The following UPF3A variants were observed in gnomAD, a reference collection of about 807,000 sequenced individuals.
UPF3A encodes the protein UPF3A regulator of nonsense mediated mRNA decay, also known as regulator of nonsense transcripts 3A.
A neutral mutation model predicts 53.5 loss-of-function variants in UPF3A; 42 were observed. The ratio of observed to expected loss-of-function variants is 0.78; its 90% CI spans 0.61 to 1.01. The LOEUF (loss-of-function observed/expected upper bound fraction) is 1.01. Among genes scored for constraint, UPF3A ranks in the 50% least tolerant of loss-of-function variants. The pLI is 0.00. For missense variants in UPF3A, 575 were observed against 598.0 expected, an observed-to-expected ratio of 0.96 and a Z score of 0.40; for synonymous variants, 237 against 225.3, an observed-to-expected ratio of 1.05 and a Z score of -0.47.
chr13:114,281,969 A>G lies in UPF3A; in HGVS notation c.208-52A>G. ...CCAGCGCGGTACGCGGTGCCTTTTG[A>G]GCTCCTTGTCCACGCTCCGCCCCGG... On this transcript the variant is annotated intron_variant, in intron 1 of 9. Transcript: ENST00000375299. 5 of 1,502,106 alleles carry G rather than the reference A, an allele frequency of 3.3e-6. No homozygotes were observed. The South Asian group carries it at 6.0e-5, about 18-fold the overall frequency. 93.0% of individuals were successfully genotyped at this position (1,502,106 alleles called of 1,614,324 possible).
At chr13:114,290,836 T>C (rs61291368) in intron 5 of UPF3A, among the ~76,000 whole-genome samples, 13,857 of 151,356 alleles carry the variant, frequency 0.092, 1,073 homozygotes, top group African/African-American at 0.2. Flanking sequence ...CGTGTTCAAG[T>C]AGTTTTCCTG....
intron 7 of UPF3A, among the ~76,000 whole-genome samples, chr13:114,294,397 A>G (rs978845989): frequency 2.0e-4 from 31 of 151,476 alleles, no homozygotes; most frequent in African/African-American, 7.5e-4. Flanking sequence ...GCCTCCCATT[A>G]CAGGGGTGCA....
At chr13:114,283,361 G>A (rs2084323858) in intron 3 of UPF3A, 1 of 152,998 alleles carries the variant, frequency 6.5e-6, no homozygotes, top group Non-Finnish European at 1.5e-5. Flanking sequence ...ACTAAAATAA[G>A]TTTATAAATT....
At chr13:114,292,327 A>G (rs1423184440) in intron 7 of UPF3A, among the ~76,000 whole-genome samples, 1,184 of 62,988 alleles carry the variant, frequency 0.019, no homozygotes, top group Middle Eastern at 0.038. Context: ...ACACGTGCAG[A>G]TGTGTCACAT....
intron 3 of UPF3A, chr13:114,284,937 G>A (rs985066838): frequency 6.6e-6 from 1 of 152,284 alleles, no homozygotes; most frequent in Non-Finnish European, 1.5e-5. Context: ...ACAGGCGTGA[G>A]CCGCTGCCCT....
At chr13:114,292,601 TTTTC>T (rs2085417288) in intron 7 of UPF3A, among the ~76,000 whole-genome samples, 1 of 151,162 alleles carries the variant, frequency 6.6e-6, no homozygotes, top group East Asian at 2.0e-4. Flanking sequence ...TACGTGTTCA[TTTTC>T]GGTTCAAGGC....
chr13:114,281,626 G>C lies in UPF3A; in HGVS notation c.-14G>C, dbSNP rs944109699. ...GTCGGGGGCTGGCGGCTGCGGCTCGGCGGAGAGTGCGGCATGCGCTCGGAA... is the reference window on the plus strand; with the variant it reads ...GTCGGGGGCTGGCGGCTGCGGCTCGCCGGAGAGTGCGGCATGCGCTCGGAA... On this transcript the variant is annotated 5_prime_UTR_variant, in exon 1 of 10. Transcript: ENST00000375299. 2 of 1,426,694 alleles carry C rather than the reference G, an allele frequency of 1.4e-6. No homozygotes were observed. The highest frequency in any genetic ancestry group is 1.8e-6 in the Non-Finnish European group (2 of 1,090,624). 88.4% of individuals were successfully genotyped at this position (1,426,694 alleles called of 1,614,324 possible). A position where few individuals can be genotyped will look rare whatever the true frequency, so the allele number is the denominator to read the frequency against.
At chr13:114,289,087 C>T (rs1325254410) in intron 5 of UPF3A, among the ~76,000 whole-genome samples, 3 of 152,000 alleles carry the variant, frequency 2.0e-5, no homozygotes, top group East Asian at 3.9e-4. Context: ...GAGTCTGCTG[C>T]ACAGCCAATG....
Position 114,298,975 on chromosome 13 carries a change from G to C in UPF3A, c.982G>C (p.Gly328Arg), listed in dbSNP as rs139333511. Residue 328 changes from glycine (G) to arginine (R), a missense_variant, in exon 8 of 10, where the codon GGC becomes CGC. This residue lies in a region of UPF3A where 323 missense variants were observed against 415.2 expected (regional missense o/e 0.78). Coordinates refer to ENST00000375299, the MANE Select transcript of UPF3A (RefSeq NM_023011.4). ...GAVVKARPME[G>R]SLEEPQETSH... Reference sequence around the variant, plus strand: ...AGTCGTAAAAGCCAGGCCCATGGAAGGCTCGCTGGAGGAGCCCCAGGAGAC... The same window carrying C: ...AGTCGTAAAAGCCAGGCCCATGGAACGCTCGCTGGAGGAGCCCCAGGAGAC... 57 of 1,604,788 alleles carry C rather than the reference G, an allele frequency of 3.6e-5. No individual in the cohort carries two copies. The highest frequency in any genetic ancestry group is 4.7e-5 in the Non-Finnish European group (55 of 1,177,154).
In UPF3A at chr13:114,284,043, C is replaced by T. The variant is rs984953612; in HGVS notation, c.421+1100C>T. On this transcript the variant is annotated intron_variant, in intron 3 of 9. Transcript: ENST00000375299. ...TGTTCATTGCTCATTTATTCAGTAA[C>T]TTACTGAGTTTCCCTTTTTCACTTA... 16 of 985,282 alleles carry T rather than the reference C, an allele frequency of 1.6e-5. No homozygotes were observed. The Admixed American group carries it at 2.5e-4, about 15-fold the overall frequency. The allele number at this position is 985,282 out of a possible 1,614,324, so 61.0% of individuals were successfully genotyped here.
chr13:114,303,417 G>A (rs1435228366), intron 9 of UPF3A, among the ~76,000 whole-genome samples: 1 of 152,168 alleles, frequency 6.6e-6, no homozygotes, highest in Non-Finnish European at 1.5e-5. Flanking sequence ...TTTCCCGGGA[G>A]CCTGGCATTT....
chr13:114,283,291 A>ACTG, intron 3 of UPF3A: 1 of 171,414 alleles, frequency 5.8e-6, no homozygotes. Flanking sequence ...AAGTGCTGGG[A>ACTG]TTACAGGCGT....
chr13:114,295,099 A>C (rs1374467332), intron 7 of UPF3A, among the ~76,000 whole-genome samples: 1 of 148,462 alleles, frequency 6.7e-6, no homozygotes, highest in East Asian at 1.9e-4. Context: ...GCGACAGAGC[A>C]AGACTCCGTC....
In UPF3A at chr13:114,292,090, C is replaced by CTTT. The variant is rs745358460; in HGVS notation, c.846+316_846+318dup. 1.6e-4 allele frequency among the ~76,000 whole-genome samples: 22 copies of CTTT among 133,712 alleles called. 1 individual carries two copies. The East Asian group carries it at 4.4e-3, about 27-fold the overall frequency. 87.7% of individuals were successfully genotyped at this position (133,712 alleles called of 152,430 possible). On this transcript the variant is annotated intron_variant, in intron 7 of 9. Coordinates refer to ENST00000375299, the MANE Select transcript of UPF3A (RefSeq NM_023011.4). The stretch of plus-strand genomic sequence containing the variant: ...CACACGTTGGGCTGCTGCTGACGCT[C>CTTT]TTTTTTTTTTTTTTTTTTTTAAACT...
At chr13:114,299,746 T>C (rs977254574) in intron 8 of UPF3A, among the ~76,000 whole-genome samples, 1 of 152,226 alleles carries the variant, frequency 6.6e-6, no homozygotes, top group Non-Finnish European at 1.5e-5. Flanking sequence ...CCCAGGCACC[T>C]GGGCTTACCT....
chr13:114,299,765 G>A (rs567236274), intron 8 of UPF3A, among the ~76,000 whole-genome samples: 7 of 152,280 alleles, frequency 4.6e-5, no homozygotes, highest in African/African-American at 1.7e-4. Flanking sequence ...CTTCCCCTCC[G>A]GGACTCCTGC....
chr13:114,298,327 C>T (rs530129047), intron 7 of UPF3A, among the ~76,000 whole-genome samples: 9 of 150,730 alleles, frequency 6.0e-5, no homozygotes, highest in African/African-American at 2.0e-4. Context: ...GAGCCAAGAT[C>T]GTGCCATTGC....
At chr13:114,294,798 C>T (rs1468514335) in intron 7 of UPF3A, among the ~76,000 whole-genome samples, 6 of 151,332 alleles carry the variant, frequency 4.0e-5, no homozygotes, top group Admixed American at 4.0e-4. Context: ...GCACTCCAGC[C>T]TGGGCGACAG....
In UPF3A at chr13:114,305,695, C is replaced by T. The variant is rs1482255980; in HGVS notation, c.*778C>T. Reference sequence around the variant, plus strand: ...TTTATTTGTAAATAACTTAAAATAGCTTTCTGAAACCGTGCATTCTGTAGT... The same window carrying T: ...TTTATTTGTAAATAACTTAAAATAGTTTTCTGAAACCGTGCATTCTGTAGT... On this transcript the variant is annotated 3_prime_UTR_variant, in exon 10 of 10. Transcript: ENST00000375299. 1.3e-5 allele frequency: 2 copies of T among 152,184 alleles called. No individual in the cohort carries two copies. Among genetic ancestry groups the T allele is most frequent in the Non-Finnish European group, 2.9e-5 (2 of 68,028 alleles). 9.4% of individuals were successfully genotyped at this position (152,184 alleles called of 1,614,324 possible). A position where few individuals can be genotyped will look rare whatever the true frequency, so the allele number is the denominator to read the frequency against.
Sources: allele counts gnomAD v4.1 joint callset (sites outside exome capture counted in the v4.1 genomes callset), GRCh38; gene constraint gnomAD v4.1.1; regional missense constraint gnomAD v4.1.1; transcripts MANE v1.5; gene names NCBI Gene and HGNC (gene_info 2026-07-23, HGNC 2026-07-21).